The following DHRS3 variants were observed in gnomAD, a reference collection of about 807,000 sequenced individuals.
DHRS3 encodes the protein short-chain dehydrogenase/reductase 3.
DHRS3 carries 14 observed loss-of-function variants against 27.2 expected under a neutral mutation model. The ratio of observed to expected loss-of-function variants is 0.52; its 90% CI spans 0.34 to 0.81. DHRS3 has a LOEUF of 0.81. DHRS3 is among the 30% of genes least tolerant of loss of function. DHRS3 has a pLI of 0.01. For synonymous variants in DHRS3, 165 were observed against 175.9 expected (o/e 0.94, Z 0.49); for missense variants, 322 against 406.2 (o/e 0.79, Z 1.78).
In DHRS3 at chr1:12,593,775, G is replaced by A. The variant is rs936347155; in HGVS notation, c.196-13109C>T. On this transcript the variant is annotated intron_variant, in intron 1 of 5. Transcript: ENST00000616661. This position sits in a 1 kb window ranked among gnomAD's most constrained non-coding sequence, Gnocchi z 4.6. The stretch of plus-strand genomic sequence containing the variant: ...CCTCATCCCTGGGTGTGATTCTTGC[G>A]AAACTTTTTGGTTCTGGGACCACTC... 2.6e-5 allele frequency among the ~76,000 whole-genome samples: 4 copies of A among 152,130 alleles called. No homozygotes were observed. The highest frequency in any genetic ancestry group is 4.4e-5 in the Non-Finnish European group (3 of 68,028).
Position 12,578,985 on chromosome 1 carries a change from G to A in DHRS3, c.460-29C>T, listed in dbSNP as rs1646617526. The stretch of plus-strand genomic sequence containing the variant: ...AGGGCAGATGGGGTGTCAGGGTGGA[G>A]CAGCTGCAGCTCTGACAACCCCTCC... On this transcript the variant is annotated intron_variant, in intron 3 of 5. Transcript: ENST00000616661. This position sits in a 1 kb window ranked among gnomAD's most constrained non-coding sequence, Gnocchi z 4.5. 2 of 1,582,804 alleles carry A rather than the reference G, an allele frequency of 1.3e-6. No individual in the cohort carries two copies. The highest frequency in any genetic ancestry group is 1.1e-5 in the South Asian group (1 of 90,042).
intron 1 of DHRS3, among the ~76,000 whole-genome samples, chr1:12,606,857 TAA>T (rs1646875332): frequency 6.6e-6 from 1 of 152,128 alleles, no homozygotes. Context: ...CAAAGAACTG[TAA>T]GAGAGGATGA....
Position 12,578,285 on chromosome 1 carries a change from G to A in DHRS3, c.698+433C>T, listed in dbSNP as rs1162612306. On this transcript the variant is annotated intron_variant, in intron 4 of 5. Coordinates refer to ENST00000616661, the MANE Select transcript of DHRS3 (RefSeq NM_004753.7). This position sits in a 1 kb window ranked among gnomAD's most constrained non-coding sequence, Gnocchi z 4.5. Reference sequence around the variant, plus strand: ...TGCAGACCGAGAACCAGGTAAGACAGCGTCAAACAGAGGGTAGAGGCTCCT... The same window carrying A: ...TGCAGACCGAGAACCAGGTAAGACAACGTCAAACAGAGGGTAGAGGCTCCT... Among the ~76,000 whole-genome samples the A allele has an allele frequency of 6.6e-6, 1 of 152,116 alleles. No homozygotes were observed. The highest frequency in any genetic ancestry group is 6.5e-5 in the Admixed American group (1 of 15,280).
At chr1:12,571,632 G>A (rs192753375) in intron 5 of DHRS3, among the ~76,000 whole-genome samples, 1 of 151,340 alleles carries the variant, frequency 6.6e-6, no homozygotes, top group East Asian at 2.0e-4. Flanking sequence ...CTGGGTTCCG[G>A]CAATTTTCCT....
At chr1:12,596,663 T>A (rs35717046) in intron 1 of DHRS3, among the ~76,000 whole-genome samples, 8,244 of 152,254 alleles carry the variant, frequency 0.054, 324 homozygotes, top group Non-Finnish European at 0.084. Context: ...GAATCTGCTC[T>A]GGAGTTGATT....
intron 5 of DHRS3, 123 bp from the exon 6 acceptor site, chr1:12,568,547 C>A: frequency 1.2e-6 from 1 of 839,258 alleles, no homozygotes; most frequent in Admixed American, 2.0e-5. Context: ...CTCCCCACAC[C>A]TCCAAGCCAC....
At chr1:12,595,367 G>A (rs1320120267) in intron 1 of DHRS3, among the ~76,000 whole-genome samples, 1 of 145,984 alleles carries the variant, frequency 6.9e-6, no homozygotes, top group African/African-American at 2.5e-5. Flanking sequence ...GAGGCTCCAG[G>A]AAGTCTTTCT....
At chr1:12,589,142 G>T (rs1212381118) in intron 1 of DHRS3, among the ~76,000 whole-genome samples, 1 of 152,222 alleles carries the variant, frequency 6.6e-6, no homozygotes, top group Non-Finnish European at 1.5e-5. Context: ...AGACATTAAG[G>T]TTAGAATGGG....
intron 1 of DHRS3, among the ~76,000 whole-genome samples, chr1:12,615,490 A>G (rs542932344): frequency 1.8e-4 from 27 of 152,234 alleles, no homozygotes; most frequent in African/African-American, 6.5e-4. Context: ...CCCCAATGCC[A>G]TACACTTCTT....
intron 5 of DHRS3, among the ~76,000 whole-genome samples, chr1:12,570,893 G>A (rs996613446): frequency 1.3e-5 from 2 of 152,256 alleles, no homozygotes; most frequent in Non-Finnish European, 2.9e-5. Context: ...GTTTGGGGAA[G>A]AGAGGGCTGA....
intron 1 of DHRS3, among the ~76,000 whole-genome samples, chr1:12,606,090 A>G (rs1267881086): frequency 2.0e-5 from 3 of 149,348 alleles, no homozygotes; most frequent in African/African-American, 7.5e-5. Context: ...GTGAGCTGAG[A>G]TCATGTCACT....
intron 1 of DHRS3, among the ~76,000 whole-genome samples, chr1:12,603,652 G>T (rs1646850553): frequency 6.6e-6 from 1 of 152,174 alleles, no homozygotes; most frequent in African/African-American, 2.4e-5. Flanking sequence ...GGGGAGGTGG[G>T]ACGCAGACAG....
intron 1 of DHRS3, among the ~76,000 whole-genome samples, chr1:12,599,509 G>C (rs1646821437): frequency 6.6e-6 from 1 of 152,238 alleles, no homozygotes; most frequent in Non-Finnish European, 1.5e-5. Context: ...AAAGCCTTCA[G>C]TGGCTCCCTA....
chr1:12,605,409 C>T (rs1646863737), intron 1 of DHRS3, among the ~76,000 whole-genome samples: 1 of 152,060 alleles, frequency 6.6e-6, no homozygotes, highest in Non-Finnish European at 1.5e-5. Flanking sequence ...TGTACAATAC[C>T]ATGTCCTGTA....
Position 12,600,238 on chromosome 1 carries a change from CA to C in DHRS3, c.195+16915del, listed in dbSNP as rs1403270482. On this transcript the variant is annotated intron_variant, in intron 1 of 5. Coordinates refer to ENST00000616661, the MANE Select transcript of DHRS3 (RefSeq NM_004753.7). Reference sequence around the variant, plus strand: ...GTGTACACGTACACACACACACACACAATCACACAAACATTTCCACTGACTT... The same window carrying C: ...GTGTACACGTACACACACACACACACATCACACAAACATTTCCACTGACTT... 3 of 326,614 alleles carry C rather than the reference CA, an allele frequency of 9.2e-6. No individual in the cohort carries two copies. In the Admixed American group the frequency reaches 1.9e-4, roughly 21 times the overall value. 20.2% of individuals were successfully genotyped at this position (326,614 alleles called of 1,614,324 possible).
intron 1 of DHRS3, among the ~76,000 whole-genome samples, chr1:12,597,478 A>G (rs1646806528): frequency 6.6e-6 from 1 of 152,212 alleles, no homozygotes; most frequent in African/African-American, 2.4e-5. Flanking sequence ...TTTAATCTTT[A>G]ACATCCTTCT....
rs1476125964 is a variant in DHRS3, at chr1:12,593,265, G to A, written c.196-12599C>T. Among the ~76,000 whole-genome samples, 13 of 152,162 alleles carry A rather than the reference G, an allele frequency of 8.5e-5. No individual in the cohort carries two copies. The highest frequency in any genetic ancestry group is 8.8e-5 in the Non-Finnish European group (6 of 68,022). On this transcript the variant is annotated intron_variant, in intron 1 of 5. Transcript: ENST00000616661. The surrounding 1 kb of genome is among the most constrained non-coding windows in gnomAD (Gnocchi z 4.6). ...TAGGTCTCGGCCCTGCAGAAGCACTGGCCCCCTCTACCTTAGGGCCTTTGT... is the reference window on the plus strand; with the variant it reads ...TAGGTCTCGGCCCTGCAGAAGCACTAGCCCCCTCTACCTTAGGGCCTTTGT...
intron 1 of DHRS3, among the ~76,000 whole-genome samples, chr1:12,614,681 C>T (rs1205104475): frequency 3.4e-5 from 5 of 146,450 alleles, no homozygotes; most frequent in African/African-American, 1.3e-4. Context: ...CACGTCAGCT[C>T]TTTGCAGAGA....
intron 4 of DHRS3, among the ~76,000 whole-genome samples, chr1:12,573,469 G>C (rs77759124): frequency 0.01 from 1,528 of 152,354 alleles, 19 homozygotes; most frequent in African/African-American, 0.035. Flanking sequence ...TGAGGGTGGA[G>C]GCCTGGTCGG....
Sources: allele counts gnomAD v4.1 joint callset (sites outside exome capture counted in the v4.1 genomes callset), GRCh38; gene constraint gnomAD v4.1.1; non-coding constraint Gnocchi (gnomAD v3.1); transcripts MANE v1.5; gene names NCBI Gene and HGNC (gene_info 2026-07-23, HGNC 2026-07-21).